Variants in S100A12 observed in about 807,000 individuals in gnomAD.
S100A12 encodes the protein protein S100-A12.
S100A12 carries 3 observed loss-of-function variants against 4.0 expected under a neutral mutation model. The ratio of observed to expected loss-of-function variants is 0.75; its 90% CI spans 0.34 to 1.94. The LOEUF (loss-of-function observed/expected upper bound fraction) is 1.94, where lower values mean the gene tolerates loss of function less well. Among genes scored for constraint, S100A12 ranks in the 30% most tolerant of loss-of-function variants. The pLI is 0.07. For synonymous variants in S100A12, 50 were observed against 41.4 expected, an observed-to-expected ratio of 1.21 and a Z score of -0.79; for missense variants, 122 against 107.0, an observed-to-expected ratio of 1.14 and a Z score of -0.62.
chr1:153,374,329 T>C, intron 2 of S100A12, 126 bp downstream of exon 2: 1 of 865,232 alleles, frequency 1.2e-6, no homozygotes, highest in Non-Finnish European at 1.8e-6. Flanking sequence ...GGGGAGAGCA[T>C]CCTTTGGGAG....
intron 2 of S100A12, 53 bp from the exon 3 acceptor site, chr1:153,374,020 C>T (rs1363017265): frequency 1.3e-6 from 2 of 1,557,020 alleles, no homozygotes; most frequent in South Asian, 2.2e-5. Context: ...ACACAAGACC[C>T]TTTCTTAGGC....
At chr1:153,375,201 C>T (rs1471237533) in intron 1 of S100A12, among the ~76,000 whole-genome samples, 1 of 152,144 alleles carries the variant, frequency 6.6e-6, no homozygotes. Flanking sequence ...CACCCGCCAC[C>T]ACGCCCGGCT....
At chr1:153,374,192 T>C (rs1249016596) in intron 2 of S100A12, among the ~76,000 whole-genome samples, 1 of 152,178 alleles carries the variant, frequency 6.6e-6, no homozygotes, top group Admixed American at 6.5e-5. Context: ...TGCTCACTCA[T>C]TCAACCCCTC....
In S100A12 at chr1:153,374,435, G is replaced by C. The variant is rs1002207009; in HGVS notation, c.138+20C>G. 6.2e-7 allele frequency: 1 copy of C among 1,606,734 alleles called. No individual in the cohort carries two copies. The highest frequency in any genetic ancestry group is 1.3e-5 in the African/African-American group (1 of 74,806). On this transcript the variant is annotated intron_variant, in intron 2 of 2. Transcript: ENST00000368737. ...GTGCAGGGTCATGGGCAAGTTTGCA[G>C]TGAGAGGGGCATCACCTACCTTGAT... is the stretch of plus-strand genomic sequence containing the variant.
chr1:153,374,735 T>A, intron 1 of S100A12, 123 bp from the exon 2 acceptor site: 1 of 677,998 alleles, frequency 1.5e-6, no homozygotes, highest in South Asian at 1.8e-5. Context: ...TATTTTGTGG[T>A]CTCTGCTCTG....
chr1:153,375,291 G>T (rs372247364), intron 1 of S100A12, among the ~76,000 whole-genome samples: 4 of 152,040 alleles, frequency 2.6e-5, no homozygotes, highest in Admixed American at 2.6e-4. Flanking sequence ...CTCATGATCC[G>T]CCCGCCTCGG....
At position 153,373,821 on chromosome 1, in the gene S100A12, A is replaced by T; in HGVS notation, c.*6T>A. ...ATTGCTGGGTAAAAAGCCTTCAGAG[A>T]GCTACCTACTCTTTGTGGGTGTGGT... On this transcript the variant is annotated 3_prime_UTR_variant, in exon 3 of 3. Coordinates refer to ENST00000368737, the MANE Select transcript of S100A12 (RefSeq NM_005621.2). The T allele has an allele frequency of 6.2e-7, 1 of 1,613,092 alleles. No homozygotes were observed. The highest frequency in any genetic ancestry group is 8.5e-7 in the Non-Finnish European group (1 of 1,179,028).
chr1:153,374,103 T>C, intron 2 of S100A12, 136 bp from the exon 3 acceptor site: 1 of 853,518 alleles, frequency 1.2e-6, no homozygotes, highest in Non-Finnish European at 2.0e-6. Context: ...TGTTGGAGAA[T>C]CCAGTGTAAC....
intron 1 of S100A12, among the ~76,000 whole-genome samples, chr1:153,375,219 TG>T (rs1217154595): frequency 6.6e-6 from 1 of 152,096 alleles, no homozygotes; most frequent in Non-Finnish European, 1.5e-5. Context: ...GCTAATTTTT[TG>T]TATTTTTTTA....
At chr1:153,374,711 A>G in intron 1 of S100A12, 99 bp from the exon 2 acceptor site, 2 of 765,906 alleles carry the variant, frequency 2.6e-6, no homozygotes, top group Non-Finnish European at 2.2e-6. Flanking sequence ...AGAAAACATA[A>G]CATCCTCCAT....
chr1:153,374,667 C>CA, intron 1 of S100A12, 55 bp from the exon 2 acceptor site: 2 of 1,178,948 alleles, frequency 1.7e-6, no homozygotes, highest in Non-Finnish European at 2.5e-6. Context: ...CCTCAACCTC[C>CA]ACTCTCCCCT....
intron 1 of S100A12, among the ~76,000 whole-genome samples, chr1:153,374,921 G>A (rs1017809329): frequency 6.6e-6 from 1 of 152,228 alleles, no homozygotes; most frequent in Non-Finnish European, 1.5e-5. Context: ...AGGGTTCTGT[G>A]ATTGGCCAGG....
At chr1:153,374,122 G>A (rs1661679574) in intron 2 of S100A12, 155 bp from the exon 3 acceptor site, 1 of 792,208 alleles carries the variant, frequency 1.3e-6, no homozygotes, top group South Asian at 1.4e-5. Flanking sequence ...ACAAAACAGA[G>A]AACACAATGG....
intron 1 of S100A12, 139 bp from the exon 2 acceptor site, chr1:153,374,751 TC>T: frequency 1.6e-6 from 1 of 634,122 alleles, no homozygotes; most frequent in Non-Finnish European, 2.8e-6. Flanking sequence ...CTCTGTTTGA[TC>T]CATGGTGAAC....
rs781746624 is a variant in S100A12, at chr1:153,374,466, T to C, written c.127A>G (p.Asn43Asp). The C allele has an allele frequency of 6.2e-7, 1 of 1,613,622 alleles. No homozygotes were observed. Among genetic ancestry groups the C allele is most frequent in the Admixed American group, 1.7e-5 (1 of 59,978 alleles). ...GGGGCATCACCTACCTTGATGGTGT[T>C]TGCAAGCTCCTTTGTAAGCAGCTGC... ...LKQLLTKELA[N>D]TIKNIKDKAV... The change falls in exon 2 of 3, where the codon AAC (asparagine) becomes GAC (aspartate). Residue 43 changes from asparagine to aspartate, a missense_variant. By Grantham distance (23) the Asn-to-Asp change is conservative. Transcript: ENST00000368737.
At chr1:153,374,785 G>A (rs563968712) in intron 1 of S100A12, among the ~76,000 whole-genome samples, 173 bp from the exon 2 acceptor site, 2 of 152,264 alleles carry the variant, frequency 1.3e-5, no homozygotes, top group South Asian at 4.1e-4. Context: ...GATAGGATGG[G>A]GAGGAGAAAA....
intron 1 of S100A12, 115 bp from the exon 2 acceptor site, chr1:153,374,727 T>G: frequency 1.4e-6 from 1 of 704,082 alleles, no homozygotes; most frequent in South Asian, 1.7e-5. Flanking sequence ...TCCATATCTA[T>G]TTTGTGGTCT....
intron 1 of S100A12, 35 bp from the exon 2 acceptor site, chr1:153,374,647 C>T (rs767339518): frequency 3.4e-6 from 5 of 1,484,448 alleles, no homozygotes; most frequent in Non-Finnish European, 4.6e-6. Flanking sequence ...GAGGCAGTTT[C>T]TCCCCCACCC....
At position 153,373,816 on chromosome 1, in the gene S100A12, C is replaced by T. The variant is rs111993762; in HGVS notation, c.*11G>A. ...AGGACATTGCTGGGTAAAAAGCCTT[C>T]AGAGAGCTACCTACTCTTTGTGGGT... On this transcript the variant is annotated 3_prime_UTR_variant, in exon 3 of 3. Transcript: ENST00000368737. 3 of 1,612,722 alleles carry T rather than the reference C, an allele frequency of 1.9e-6. No individual in the cohort carries two copies. Among genetic ancestry groups the T allele is most frequent in the Non-Finnish European group, 8.5e-7 (1 of 1,178,748 alleles).
Sources: gnomAD v4.1 joint callset for allele counts (sites outside exome capture counted in the v4.1 genomes callset) on GRCh38, gnomAD v4.1.1 for gene constraint, MANE v1.5 for transcripts, NCBI Gene and HGNC (gene_info 2026-07-23, HGNC 2026-07-21) for gene names.